PEX14: variants seen among roughly 807,000 people sequenced by gnomAD.
The protein encoded by PEX14 is peroxisomal biogenesis factor 14.
In PEX14, 15 loss-of-function variants were observed where a neutral mutation model predicts 49.5. The observed-to-expected ratio is 0.30, with a 90% confidence interval of 0.20 to 0.47. The LOEUF is 0.47. Among genes scored for constraint, PEX14 ranks in the 20% least tolerant of loss-of-function variants. The pLI, the probability that PEX14 is intolerant of heterozygous loss-of-function variation, is 1.00. For missense variants in PEX14, 398 were observed against 494.8 expected, an observed-to-expected ratio of 0.80 and a Z score of 1.86; for synonymous variants, 210 against 212.7, an observed-to-expected ratio of 0.99 and a Z score of 0.11.
Position 10,604,657 on chromosome 1 carries a change from A to T in PEX14, c.298+5291A>T, listed in dbSNP as rs538680459. Among the ~76,000 whole-genome samples, 3 of 152,192 alleles carry T rather than the reference A, an allele frequency of 2.0e-5. No individual in the cohort carries two copies. The South Asian group carries it at 6.2e-4, about 32-fold the overall frequency. On this transcript the variant is annotated intron_variant, in intron 4 of 8. Coordinates refer to ENST00000356607, the MANE Select transcript of PEX14 (RefSeq NM_004565.3). ...ACTCTGAGTTGTTCAGAGTGGCTGG[A>T]GCATGGGATGAGAGTCAGAGGAAAT... is the stretch of plus-strand genomic sequence containing the variant.
chr1:10,543,819 C>T (rs867099311), intron 3 of PEX14, among the ~76,000 whole-genome samples: 1 of 152,130 alleles, frequency 6.6e-6, no homozygotes, highest in Non-Finnish European at 1.5e-5. Flanking sequence ...AGGCTGGTCT[C>T]AAACTCTCGG....
In PEX14 at chr1:10,628,679, G is replaced by A. The variant is rs1641820492; in HGVS notation, c.678-852G>A. On this transcript the variant is annotated intron_variant, in intron 8 of 8. Transcript: ENST00000356607. The surrounding 1 kb of genome is among the most constrained non-coding windows in gnomAD (Gnocchi z 4.5). ...AAACTGCACATGGAATTTCTTGTTA[G>A]CGTTTAGGATGCTGGTGAATAAAGC... Among the ~76,000 whole-genome samples the A allele has an allele frequency of 6.6e-6, 1 of 152,250 alleles. No individual in the cohort carries two copies. The highest frequency in any genetic ancestry group is 1.5e-5 in the Non-Finnish European group (1 of 68,048).
At chr1:10,627,247 G>C (rs369820549) in intron 7 of PEX14, 25 bp from the exon 8 acceptor site, 1 of 1,577,884 alleles carries the variant, frequency 6.3e-7, no homozygotes, top group Non-Finnish European at 8.7e-7. Context: ...CGCCCGCCCT[G>C]AGCCTCCCTG....
chr1:10,584,688 C>T (rs547609900), intron 3 of PEX14, among the ~76,000 whole-genome samples: 2 of 152,164 alleles, frequency 1.3e-5, no homozygotes, highest in Non-Finnish European at 2.9e-5. Context: ...GAAATTATTT[C>T]ATAACAGAAT....
In PEX14 at chr1:10,539,175, G is replaced by A. The variant is rs1638929588; in HGVS notation, c.169+2878G>A. ...ACCGACTGGTTAAGTGTTGTGCTCT[G>A]TGACTTCTGGTGGGGGTGCTGGGTG... On this transcript the variant is annotated intron_variant, in intron 3 of 8. Transcript: ENST00000356607. The surrounding 1 kb of genome is among the most constrained non-coding windows in gnomAD (Gnocchi z 4.6). 6.6e-6 allele frequency among the ~76,000 whole-genome samples: 1 copy of A among 152,134 alleles called. No individual in the cohort carries two copies. The highest frequency in any genetic ancestry group is 6.5e-5 in the Admixed American group (1 of 15,282).
intron 2 of PEX14, among the ~76,000 whole-genome samples, chr1:10,522,110 T>G (rs1332017059): frequency 1.3e-5 from 2 of 152,240 alleles, no homozygotes; most frequent in Non-Finnish European, 2.9e-5. Flanking sequence ...ACATTACAGG[T>G]GTAGCCTTGG....
At chr1:10,596,020 G>A (rs1033516689) in intron 3 of PEX14, among the ~76,000 whole-genome samples, 1 of 152,180 alleles carries the variant, frequency 6.6e-6, no homozygotes, top group African/African-American at 2.4e-5. Context: ...GGGAAAGATG[G>A]GGCTAGGGCA....
intron 4 of PEX14, 110 bp downstream of exon 4, chr1:10,599,476 C>G: frequency 1.6e-6 from 2 of 1,262,974 alleles, no homozygotes; most frequent in Non-Finnish European, 1.2e-6. Context: ...AAACTGGGAG[C>G]AGCAGAAAGC....
At position 10,512,721 on chromosome 1, in the gene PEX14, A is replaced by G. The variant is rs930570793; in HGVS notation, c.84+17400A>G. Among the ~76,000 whole-genome samples the G allele has an allele frequency of 6.6e-6, 1 of 150,768 alleles. No homozygotes were observed. The highest frequency in any genetic ancestry group is 2.4e-5 in the African/African-American group (1 of 40,908). On this transcript the variant is annotated intron_variant, in intron 2 of 8. Transcript: ENST00000356607. The surrounding 1 kb of genome is among the most constrained non-coding windows in gnomAD (Gnocchi z 4.6). The stretch of plus-strand genomic sequence containing the variant: ...TTTTTTTTAACTTTTATTTTTTATG[A>G]TGGAGTCTTGCTCTGTCGCCAGGCT...
At position 10,495,465 on chromosome 1, in the gene PEX14, T is replaced by C; in HGVS notation, c.84+144T>C. The C allele has an allele frequency of 1.4e-6, 1 of 712,792 alleles. No individual in the cohort carries two copies. Among genetic ancestry groups the C allele is most frequent in the Admixed American group, 2.0e-5 (1 of 48,834 alleles). 44.2% of individuals were successfully genotyped at this position (712,792 alleles called of 1,614,324 possible). ...CTAGAGACTGCCTCTGTCAGTGACCTCTGACTTCTCTTCTCGCGTGTGGGG... is the reference window on the plus strand; with the variant it reads ...CTAGAGACTGCCTCTGTCAGTGACCCCTGACTTCTCTTCTCGCGTGTGGGG... On this transcript the variant is annotated intron_variant, in intron 2 of 8. Coordinates refer to ENST00000356607, the MANE Select transcript of PEX14 (RefSeq NM_004565.3). The surrounding 1 kb of genome is among the most constrained non-coding windows in gnomAD (Gnocchi z 4.2).
chr1:10,527,203 C>T (rs1459542364), intron 2 of PEX14, among the ~76,000 whole-genome samples: 1 of 115,108 alleles, frequency 8.7e-6, no homozygotes, highest in Non-Finnish European at 1.9e-5. Flanking sequence ...TAGAGTGAGA[C>T]TCTGTCTCAA....
intron 3 of PEX14, among the ~76,000 whole-genome samples, chr1:10,572,013 A>G (rs1639992063): frequency 6.6e-6 from 1 of 152,188 alleles, no homozygotes; most frequent in Admixed American, 6.5e-5. Context: ...CTTCCAGTTT[A>G]TGTAGTACAA....
intron 3 of PEX14, among the ~76,000 whole-genome samples, chr1:10,560,204 C>T (rs1639614073): frequency 6.6e-6 from 1 of 151,792 alleles, no homozygotes; most frequent in Non-Finnish European, 1.5e-5. Context: ...ATTACAGGCG[C>T]CCGCCACCAT....
At position 10,512,863 on chromosome 1, in the gene PEX14, A is replaced by G. The variant is rs564284760; in HGVS notation, c.84+17542A>G. The stretch of plus-strand genomic sequence containing the variant: ...CAGGCGTGTGCCACCACGCCCGGCT[A>G]ATTTTTTGTATTTTTAGTAGAGATG... On this transcript the variant is annotated intron_variant, in intron 2 of 8. Coordinates refer to ENST00000356607, the MANE Select transcript of PEX14 (RefSeq NM_004565.3). The surrounding 1 kb of genome is among the most constrained non-coding windows in gnomAD (Gnocchi z 4.6). Among the ~76,000 whole-genome samples, 150 of 151,968 alleles carry G rather than the reference A, an allele frequency of 9.9e-4. No individual in the cohort carries two copies. The highest frequency in any genetic ancestry group is 3.4e-3 in the Middle Eastern group (1 of 294).
chr1:10,568,220 G>A (rs949336007), intron 3 of PEX14, among the ~76,000 whole-genome samples: 5 of 151,334 alleles, frequency 3.3e-5, no homozygotes, highest in African/African-American at 9.7e-5. Flanking sequence ...GATTGTGAAC[G>A]TATGATGTGT....
intron 1 of PEX14, among the ~76,000 whole-genome samples, chr1:10,488,001 G>A (rs1464365589): frequency 6.6e-6 from 1 of 150,570 alleles, no homozygotes; most frequent in Non-Finnish European, 1.5e-5. Flanking sequence ...GGCTTGTCTC[G>A]AACTCCTGAC....
chr1:10,618,471 C>A, intron 5 of PEX14, 54 bp downstream of exon 5: 1 of 1,343,374 alleles, frequency 7.4e-7, no homozygotes, highest in Non-Finnish European at 1.1e-6. Context: ...CTGTGGCATT[C>A]AGCACCCTTT....
At chr1:10,622,208 G>A (rs138405541) in intron 5 of PEX14, among the ~76,000 whole-genome samples, 31 of 152,254 alleles carry the variant, frequency 2.0e-4, no homozygotes, top group African/African-American at 7.2e-4. Context: ...CGGCTCCTTC[G>A]GGCATCCCTG....
chr1:10,549,084 G>A (rs1639259276), intron 3 of PEX14, among the ~76,000 whole-genome samples: 1 of 152,034 alleles, frequency 6.6e-6, no homozygotes, highest in Non-Finnish European at 1.5e-5. Context: ...GGTTGCAGAG[G>A]CTTTCATTCA....
Sources: gnomAD v4.1 joint callset for allele counts (sites outside exome capture counted in the v4.1 genomes callset) on GRCh38, gnomAD v4.1.1 for gene constraint, Gnocchi (gnomAD v3.1) non-coding constraint, MANE v1.5 for transcripts, NCBI Gene and HGNC (gene_info 2026-07-23, HGNC 2026-07-21) for gene names.